The following PEX13 variants were observed in gnomAD, a reference collection of about 807,000 sequenced individuals.
PEX13 encodes the protein peroxisome biogenesis factor 13.
In PEX13, 28 loss-of-function variants were observed where a neutral mutation model predicts 34.5. The observed-to-expected ratio is 0.81, with a 90% CI of 0.60 to 1.11. The LOEUF (loss-of-function observed/expected upper bound fraction) is 1.11, where lower values mean the gene tolerates loss of function less well. Ranked by LOEUF, PEX13 falls within the 50% of genes most tolerant of loss-of-function variation. PEX13 has a pLI of 0.00. For missense variants in PEX13, 550 were observed against 491.0 expected, an observed-to-expected ratio of 1.12 and a Z score of -1.13; for synonymous variants, 177 against 175.1, an observed-to-expected ratio of 1.01 and a Z score of -0.09.
intron 2 of PEX13, among the ~76,000 whole-genome samples, chr2:61,035,484 CAGA>C (rs761929270): frequency 5.5e-4 from 83 of 152,238 alleles, no homozygotes; most frequent in Non-Finnish European, 9.8e-4. Context: ...GACAAGTTGA[CAGA>C]AGTAGGCTTC....
intron 2 of PEX13, among the ~76,000 whole-genome samples, chr2:61,044,547 C>G: frequency 6.6e-6 from 1 of 152,086 alleles, no homozygotes; most frequent in South Asian, 2.1e-4. Context: ...CCACCATGCC[C>G]GGCTAATTTT....
At chr2:61,020,932 G>A (rs1680247872) in intron 1 of PEX13, among the ~76,000 whole-genome samples, 1 of 152,136 alleles carries the variant, frequency 6.6e-6, no homozygotes, top group Admixed American at 6.5e-5. Context: ...TGAGATTACA[G>A]GTGTGAGTCA....
At chr2:61,021,276 C>A (rs752093345) in intron 1 of PEX13, among the ~76,000 whole-genome samples, 1 of 152,102 alleles carries the variant, frequency 6.6e-6, no homozygotes, top group Non-Finnish European at 1.5e-5. Context: ...CAAGGGATGC[C>A]GTGACAGACT....
Position 61,033,998 on chromosome 2 carries a change from T to C in PEX13, c.787+1885T>C, listed in dbSNP as rs572493772. On this transcript the variant is annotated intron_variant, in intron 2 of 3. Coordinates refer to ENST00000295030, the MANE Select transcript of PEX13 (RefSeq NM_002618.4). ...GTTTTTTTTTGTTTTGTTTTTTGTT[T>C]TGTTTTTTTTCTTCGGGAGACAGAG... Among the ~76,000 whole-genome samples the C allele has an allele frequency of 2.0e-5, 3 of 152,186 alleles. No individual in the cohort carries two copies. The South Asian group carries it at 6.2e-4, about 32-fold the overall frequency.
At chr2:61,021,179 C>T (rs183011813) in intron 1 of PEX13, among the ~76,000 whole-genome samples, 1 of 152,114 alleles carries the variant, frequency 6.6e-6, no homozygotes, top group African/African-American at 2.4e-5. Flanking sequence ...GAACACTGGT[C>T]GCACCCCATG....
intron 1 of PEX13, among the ~76,000 whole-genome samples, chr2:61,022,173 A>G (rs973562007): frequency 6.6e-6 from 1 of 152,224 alleles, no homozygotes; most frequent in Non-Finnish European, 1.5e-5. Context: ...TGGACAGAGA[A>G]TGACTTTGAC....
At chr2:61,025,629 G>C (rs1011248460) in intron 1 of PEX13, among the ~76,000 whole-genome samples, 1 of 152,118 alleles carries the variant, frequency 6.6e-6, no homozygotes, top group Non-Finnish European at 1.5e-5. Context: ...AAAGTGCTGG[G>C]ATTATAGGAG....
intron 2 of PEX13, among the ~76,000 whole-genome samples, chr2:61,042,453 A>C (rs1043757340): frequency 1.3e-5 from 2 of 152,104 alleles, no homozygotes; most frequent in African/African-American, 4.8e-5. Flanking sequence ...TGAGTGTCAT[A>C]TTTTCAAGGC....
chr2:61,031,626 T>C lies in PEX13; in HGVS notation c.300T>C (p.Tyr100=), dbSNP rs2104803312. The C allele has an allele frequency of 1.2e-6, 2 of 1,614,150 alleles. No homozygotes were observed. Among genetic ancestry groups the C allele is most frequent in the Non-Finnish European group, 8.5e-7 (1 of 1,180,010 alleles). Residue 100 remains tyrosine, a synonymous_variant, in exon 2 of 4, where the codon TAT becomes TAC. Coordinates refer to ENST00000295030, the MANE Select transcript of PEX13 (RefSeq NM_002618.4). ...GCTATAGTCCTTATAGTTATGGATA[T>C]AATGGGCTGGGCTACAACCGCCTCC... The part of the protein sequence containing the change: ...YGGYSPYSYG[Y]NGLGYNRLRV...
At chr2:61,029,686 C>T (rs990440628) in intron 1 of PEX13, among the ~76,000 whole-genome samples, 5 of 152,076 alleles carry the variant, frequency 3.3e-5, no homozygotes, top group African/African-American at 1.2e-4. Context: ...TTGGCTAACA[C>T]CTGTTATCCT....
chr2:61,018,359 A>C, intron 1 of PEX13: 9 of 1,495,178 alleles, frequency 6.0e-6, no homozygotes, highest in Non-Finnish European at 7.2e-6. Flanking sequence ...AGCATAACTC[A>C]GCCAGTGTTT....
intron 1 of PEX13, among the ~76,000 whole-genome samples, chr2:61,027,405 A>G (rs1226415682): frequency 6.6e-6 from 1 of 151,982 alleles, no homozygotes; most frequent in Non-Finnish European, 1.5e-5. Context: ...GATATCACAC[A>G]TCAAGTCGGT....
chr2:61,041,820 G>T (rs1299963276), intron 2 of PEX13, among the ~76,000 whole-genome samples: 1 of 152,194 alleles, frequency 6.6e-6, no homozygotes. Context: ...ATAAATAAGG[G>T]AAAGATAGGA....
chr2:61,050,845 T>C lies in PEX13; in HGVS notation c.*2075T>C, dbSNP rs1013859036. On this transcript the variant is annotated 3_prime_UTR_variant, in exon 4 of 4. Coordinates refer to ENST00000295030, the MANE Select transcript of PEX13 (RefSeq NM_002618.4). ...ACCGTGTTACCCAGGATGGTCTCCA[T>C]CTCCTGACCTCGTGATGAGCCCGCT... is the stretch of plus-strand genomic sequence containing the variant. 9.9e-5 allele frequency: 15 copies of C among 152,258 alleles called. No homozygotes were observed. The highest frequency in any genetic ancestry group is 3.4e-4 in the African/African-American group (14 of 41,454). 9.4% of individuals were successfully genotyped at this position (152,258 alleles called of 1,614,324 possible).
At chr2:61,045,627 T>C in intron 2 of PEX13, 99 bp from the exon 3 acceptor site, 3 of 1,053,794 alleles carry the variant, frequency 2.8e-6, no homozygotes, top group Non-Finnish European at 4.3e-6. Context: ...GGAGGACTTT[T>C]CTCTTGGCAA....
Position 61,032,916 on chromosome 2 carries a change from A to G in PEX13, c.787+803A>G, listed in dbSNP as rs1463065963. ...ATTTATTTGGTAGTTGTCCTATAGT[A>G]TTGCATTGGATCGTAAGAAATAATG... is the stretch of plus-strand genomic sequence containing the variant. On this transcript the variant is annotated intron_variant, in intron 2 of 3. Transcript: ENST00000295030. Among the ~76,000 whole-genome samples the G allele has an allele frequency of 2.0e-5, 3 of 152,218 alleles. No individual in the cohort carries two copies. In the East Asian group the frequency reaches 5.8e-4, roughly 29 times the overall value.
At position 61,031,851 on chromosome 2, in the gene PEX13, T is replaced by G; in HGVS notation, c.525T>G (p.Phe175Leu). The G allele has an allele frequency of 6.2e-7, 1 of 1,613,266 alleles. No homozygotes were observed. ...ACTTTTCCCGATTGAAAATACACTT[T>G]ACAAAAGTGTTTTCAGCTTTTGCAT... is the stretch of plus-strand genomic sequence containing the variant. ...ANHFSRLKIHFTKVFSAFALV... is the reference protein window; with the variant it reads ...ANHFSRLKIHLTKVFSAFALV... Residue 175 changes from phenylalanine (F) to leucine (L), a missense_variant, in exon 2 of 4, where the codon TTT becomes TTG. Phe to Leu is a conservative substitution (Grantham distance 22). Transcript: ENST00000295030.
At chr2:61,023,889 A>G (rs1376825658) in intron 1 of PEX13, among the ~76,000 whole-genome samples, 3 of 151,664 alleles carry the variant, frequency 2.0e-5, no homozygotes, top group Non-Finnish European at 2.9e-5. Context: ...TCCATCTCCC[A>G]GGGCTCAAGC....
intron 2 of PEX13, among the ~76,000 whole-genome samples, chr2:61,039,178 T>C (rs1261066183): frequency 1.3e-5 from 2 of 152,116 alleles, no homozygotes; most frequent in Admixed American, 1.3e-4. Flanking sequence ...CCCAAGGTAA[T>C]TTATAGATGC....
Sources: allele counts gnomAD v4.1 joint callset (sites outside exome capture counted in the v4.1 genomes callset), GRCh38; gene constraint gnomAD v4.1.1; transcripts MANE v1.5; gene names NCBI Gene and HGNC (gene_info 2026-07-23, HGNC 2026-07-21).